Variants in STK31 observed in about 807,000 individuals in gnomAD.
STK31 encodes serine/threonine-protein kinase 31.
In STK31, 89 loss-of-function variants were observed where a neutral mutation model predicts 129.7. That is an observed-to-expected ratio of 0.69 (90% CI 0.58 to 0.82). STK31 has a LOEUF of 0.82. Among genes scored for constraint, STK31 ranks in the 40% least tolerant of loss-of-function variants. The pLI is 0.00. For missense variants in STK31, 1,187 were observed against 1,176.4 expected, an observed-to-expected ratio of 1.01 and a Z score of -0.13; for synonymous variants, 448 against 395.3, an observed-to-expected ratio of 1.13 and a Z score of -1.58.
intron 8 of STK31, among the ~76,000 whole-genome samples, chr7:23,750,114 T>TATG (rs1055798114): frequency 7.2e-6 from 1 of 138,102 alleles, no homozygotes; most frequent in Non-Finnish European, 1.5e-5. Context: ...ACTGCGATGA[T>TATG]ATGTATGATA....
chr7:23,736,803 C>A, intron 7 of STK31, 101 bp from the exon 8 acceptor site: 1 of 906,644 alleles, frequency 1.1e-6, no homozygotes, highest in Non-Finnish European at 1.5e-6. Context: ...AATTAACTTT[C>A]AGATATATTG....
rs755817731 is a variant in STK31, at chr7:23,736,973, G to A, written c.912G>A (p.Gln304=). 3.1e-6 allele frequency: 5 copies of A among 1,613,770 alleles called. No individual in the cohort carries two copies. The Admixed American group carries it at 8.3e-5, about 27-fold the overall frequency. The part of the protein sequence containing the change: ...NVSLEKIKQD[Q]KLIEENEKLK... ...GCCTGGAAAAAATTAAGCAGGACCAGAAACTGATTGAAGAAAATGAAAAAC... is the reference window on the plus strand; with the variant it reads ...GCCTGGAAAAAATTAAGCAGGACCAAAAACTGATTGAAGAAAATGAAAAAC... Residue 304 remains glutamine, a synonymous_variant, in exon 8 of 24, where the codon CAG becomes CAA. Coordinates refer to ENST00000355870, the MANE Select transcript of STK31 (RefSeq NM_031414.5).
At chr7:23,710,136 G>C (rs538366449), upstream of STK31, 1 of 1,390,316 alleles carries the variant, frequency 7.2e-7, no homozygotes, top group East Asian at 2.4e-5. Flanking sequence ...CTTCCTAGGC[G>C]GCAGGCCGTG....
chr7:23,817,325 G>C (rs1359845657), intron 23 of STK31, among the ~76,000 whole-genome samples: 1 of 152,182 alleles, frequency 6.6e-6, no homozygotes, highest in Non-Finnish European at 1.5e-5. Context: ...GCTACTCATG[G>C]ATTCAAGGAT....
intron 3 of STK31, among the ~76,000 whole-genome samples, chr7:23,717,060 A>C (rs1786376899): frequency 7.0e-6 from 1 of 142,014 alleles, no homozygotes; most frequent in Non-Finnish European, 1.5e-5. Context: ...CGGCCCTCCA[A>C]AGTGATGGGA....
At chr7:23,744,230 A>G (rs920200783) in intron 8 of STK31, among the ~76,000 whole-genome samples, 1 of 150,830 alleles carries the variant, frequency 6.6e-6, no homozygotes, top group South Asian at 2.1e-4. Flanking sequence ...TAGATCTAGT[A>G]TATTGTTGAA....
Position 23,710,274 on chromosome 7 carries a change from C to T in STK31, c.-12C>T. ...ACGTGTGCTACGGCGGGCGGAGGGC[C>T]GAAAGTCCAGTATGTGGGTCCAGGG... On this transcript the variant is annotated 5_prime_UTR_variant, in exon 1 of 24. Coordinates refer to ENST00000355870, the MANE Select transcript of STK31 (RefSeq NM_031414.5). The T allele has an allele frequency of 6.2e-7, 1 of 1,610,494 alleles. No homozygotes were observed. The highest frequency in any genetic ancestry group is 2.2e-4 in the Middle Eastern group (1 of 4,640).
intron 22 of STK31, among the ~76,000 whole-genome samples, chr7:23,795,346 C>T (rs1791887870): frequency 6.6e-6 from 1 of 152,210 alleles, no homozygotes; most frequent in Non-Finnish European, 1.5e-5. Context: ...TGAAGGTGCA[C>T]AGAAGTCAAG....
At chr7:23,767,164 T>TA (rs1225587245) in intron 11 of STK31, among the ~76,000 whole-genome samples, 6 of 152,242 alleles carry the variant, frequency 3.9e-5, no homozygotes, top group Non-Finnish European at 8.8e-5. Context: ...TTCTTACTGT[T>TA]ATCTGGGCCA....
intron 8 of STK31, among the ~76,000 whole-genome samples, chr7:23,748,821 C>T (rs941923867): frequency 2.0e-5 from 3 of 152,304 alleles, no homozygotes; most frequent in Middle Eastern, 6.8e-3. Context: ...TTCTGGTCAA[C>T]AGTAGGCTAT....
intron 4 of STK31, chr7:23,722,880 G>A (rs1467787198): frequency 1.3e-5 from 2 of 152,262 alleles, no homozygotes; most frequent in East Asian, 1.9e-4. Context: ...TGGGACCCTC[G>A]GAGCCAGGCG....
At chr7:23,713,143 A>G (rs534386366) in intron 3 of STK31, among the ~76,000 whole-genome samples, 1 of 152,328 alleles carries the variant, frequency 6.6e-6, no homozygotes, top group Middle Eastern at 3.4e-3. Context: ...GAATGTACTT[A>G]GAGAAACCTG....
At chr7:23,727,200 C>T in intron 4 of STK31, 41 bp from the exon 5 acceptor site, 1 of 1,546,052 alleles carries the variant, frequency 6.5e-7, no homozygotes, top group Middle Eastern at 1.7e-4. Context: ...GTTCACCATG[C>T]TTTAAATGCC....
chr7:23,730,501 A>G (rs1787336981), intron 6 of STK31, among the ~76,000 whole-genome samples: 1 of 152,120 alleles, frequency 6.6e-6, no homozygotes, highest in African/African-American at 2.4e-5. Flanking sequence ...TGCTTTGACC[A>G]AGGTTGGGGA....
chr7:23,761,700 G>C (rs1481140343), intron 10 of STK31, among the ~76,000 whole-genome samples: 1 of 150,736 alleles, frequency 6.6e-6, no homozygotes, highest in African/African-American at 2.4e-5. Flanking sequence ...GGGCCACCGT[G>C]CCCAGATGTT....
At chr7:23,773,541 C>A (rs899316437) in intron 15 of STK31, among the ~76,000 whole-genome samples, 6 of 152,108 alleles carry the variant, frequency 3.9e-5, no homozygotes, top group African/African-American at 7.2e-5. Flanking sequence ...GATTTATAAT[C>A]CTTTGGGTAT....
At chr7:23,791,182 A>T in intron 22 of STK31, 1 of 851,664 alleles carries the variant, frequency 1.2e-6, no homozygotes, top group Non-Finnish European at 1.4e-6. Flanking sequence ...GTCAAGATTA[A>T]CAGTGAAGAT....
At chr7:23,714,410 T>G (rs1786171887) in intron 3 of STK31, among the ~76,000 whole-genome samples, 1 of 152,200 alleles carries the variant, frequency 6.6e-6, no homozygotes, top group African/African-American at 2.4e-5. Context: ...AAAGATTTTC[T>G]AGACTAGTGC....
intron 11 of STK31, among the ~76,000 whole-genome samples, chr7:23,767,787 A>G (rs978027728): frequency 1.4e-4 from 22 of 152,164 alleles, no homozygotes; most frequent in African/African-American, 5.1e-4. Context: ...CCCACAGGTA[A>G]TTCTGTGCTG....
Sources: gnomAD v4.1 joint callset for allele counts (sites outside exome capture counted in the v4.1 genomes callset) on GRCh38, gnomAD v4.1.1 for gene constraint, MANE v1.5 for transcripts, NCBI Gene and HGNC (gene_info 2026-07-23, HGNC 2026-07-21) for gene names.